MAP7: variants seen among roughly 807,000 people sequenced by gnomAD.
The protein encoded by MAP7 is microtubule associated protein 7.
In MAP7, 52 loss-of-function variants were observed where a neutral mutation model predicts 94.8. That is an observed-to-expected ratio of 0.55 (90% CI 0.44 to 0.69). MAP7 has a LOEUF of 0.69. Among genes scored for constraint, MAP7 ranks in the 30% least tolerant of loss-of-function variants. MAP7 has a pLI of 0.00. For synonymous variants in MAP7, 350 were observed against 357.0 expected, an observed-to-expected ratio of 0.98 and a Z score of 0.22; for missense variants, 940 against 964.6, an observed-to-expected ratio of 0.97 and a Z score of 0.34.
At chr6:136,533,952 T>C (rs1481487729) in intron 1 of MAP7, among the ~76,000 whole-genome samples, 1 of 152,218 alleles carries the variant, frequency 6.6e-6, no homozygotes, top group Admixed American at 6.5e-5. Flanking sequence ...CATTTCTTTC[T>C]CCTAAACCCC....
chr6:136,512,852 GA>G (rs1823679821), intron 1 of MAP7, among the ~76,000 whole-genome samples: 1 of 119,920 alleles, frequency 8.3e-6, no homozygotes, highest in Non-Finnish European at 1.8e-5. Context: ...TTTTTTTTTT[GA>G]AAGGGTCTCA....
chr6:136,468,567 A>C (rs1400202840), intron 1 of MAP7, among the ~76,000 whole-genome samples: 2 of 152,242 alleles, frequency 1.3e-5, no homozygotes, highest in East Asian at 3.8e-4. Flanking sequence ...AGCCTACCTT[A>C]AATGTGCTAA....
intron 1 of MAP7, among the ~76,000 whole-genome samples, chr6:136,446,264 G>A (rs894333185): frequency 1.3e-5 from 2 of 151,830 alleles, no homozygotes; most frequent in Admixed American, 6.6e-5. Context: ...ATCAGAGGTG[G>A]ATAGGGCGCA....
intron 1 of MAP7, among the ~76,000 whole-genome samples, chr6:136,542,340 T>A (rs1829393018): frequency 6.6e-6 from 1 of 152,196 alleles, no homozygotes; most frequent in Admixed American, 6.5e-5. Flanking sequence ...ACATTTAGCT[T>A]ACAGAACCTT....
intron 1 of MAP7, among the ~76,000 whole-genome samples, chr6:136,542,106 T>C (rs1201659228): frequency 2.0e-5 from 3 of 152,160 alleles, no homozygotes; most frequent in East Asian, 1.9e-4. Context: ...AATAAAAAAA[T>C]CTTACAGATC....
chr6:136,502,442 T>C (rs1457399027), intron 1 of MAP7, among the ~76,000 whole-genome samples: 1 of 152,230 alleles, frequency 6.6e-6, no homozygotes, highest in East Asian at 1.9e-4. Flanking sequence ...CACTCTTTTG[T>C]TGGCACAGTC....
chr6:136,487,725 A>T (rs1235126410), intron 1 of MAP7, among the ~76,000 whole-genome samples: 2 of 151,924 alleles, frequency 1.3e-5, no homozygotes, highest in African/African-American at 2.4e-5. Context: ...AAAAAAAAAA[A>T]TTGTATTTCT....
chr6:136,412,585 G>T (rs1437075094), intron 2 of MAP7, among the ~76,000 whole-genome samples: 1 of 152,160 alleles, frequency 6.6e-6, no homozygotes, highest in Non-Finnish European at 1.5e-5. Flanking sequence ...TCCATAGAAA[G>T]TAAGTGCAAA....
intron 1 of MAP7, among the ~76,000 whole-genome samples, chr6:136,523,453 T>C (rs1011771524): frequency 6.6e-6 from 1 of 152,252 alleles, no homozygotes; most frequent in Non-Finnish European, 1.5e-5. Context: ...CTGTGGCTAT[T>C]GTATTGGACA....
chr6:136,346,114 T>TA (rs777373998), intron 16 of MAP7, 35 bp from the exon 17 acceptor site: 1 of 1,384,630 alleles, frequency 7.2e-7, no homozygotes, highest in South Asian at 1.2e-5. Context: ...AGAAATAAGT[T>TA]AGTCTTAAAA....
At chr6:136,547,128 G>T (rs1297083931) in intron 1 of MAP7, among the ~76,000 whole-genome samples, 1 of 152,180 alleles carries the variant, frequency 6.6e-6, no homozygotes, top group Non-Finnish European at 1.5e-5. Context: ...AGAGTTAAGT[G>T]ACACCTACAA....
intron 1 of MAP7, among the ~76,000 whole-genome samples, chr6:136,500,352 T>C (rs1477394954): frequency 2.6e-5 from 4 of 152,248 alleles, no homozygotes; most frequent in Non-Finnish European, 1.5e-5. Context: ...ATTCTTCAAA[T>C]GGAATTTTCC....
Position 136,364,171 on chromosome 6 carries a change from C to T in MAP7, c.1274-1469G>A, listed in dbSNP as rs79792989. 947 of 486,600 alleles carry T rather than the reference C, an allele frequency of 1.9e-3. 11 individuals are homozygous for T. Among genetic ancestry groups the T allele is most frequent in the African/African-American group, 0.017 (843 of 50,710 alleles). The allele number at this position is 486,600 out of a possible 1,614,324, so 30.1% of individuals were successfully genotyped here. ...GCTCGCCTGCATTCTGCATAAGGCTCGGCCCTCATTCTGCATGAGGGTGAG... is the reference window on the plus strand; with the variant it reads ...GCTCGCCTGCATTCTGCATAAGGCTTGGCCCTCATTCTGCATGAGGGTGAG... On this transcript the variant is annotated intron_variant, in intron 10 of 17. Transcript: ENST00000354570.
At chr6:136,447,828 C>G (rs1275584344) in intron 1 of MAP7, among the ~76,000 whole-genome samples, 1 of 152,196 alleles carries the variant, frequency 6.6e-6, no homozygotes, top group Non-Finnish European at 1.5e-5. Flanking sequence ...TTAAAATACT[C>G]TCTTTTCCCA....
intron 1 of MAP7, among the ~76,000 whole-genome samples, chr6:136,504,593 C>T (rs772064116): frequency 6.6e-6 from 1 of 152,214 alleles, no homozygotes; most frequent in Non-Finnish European, 1.5e-5. Context: ...ATCCACCCGC[C>T]TTGGCCTCCC....
At chr6:136,390,432 C>G (rs1399626408) in intron 3 of MAP7, among the ~76,000 whole-genome samples, 1 of 152,146 alleles carries the variant, frequency 6.6e-6, no homozygotes, top group East Asian at 1.9e-4. Context: ...GGGGGCAGAT[C>G]ACTGGCAGTC....
intron 5 of MAP7, among the ~76,000 whole-genome samples, chr6:136,385,686 T>G (rs558099338): frequency 6.6e-6 from 1 of 152,350 alleles, no homozygotes; most frequent in East Asian, 1.9e-4. Context: ...TGAATTTGTT[T>G]ATTACTTAAT....
intron 2 of MAP7, among the ~76,000 whole-genome samples, chr6:136,417,077 C>A (rs1305598468): frequency 6.6e-6 from 1 of 152,166 alleles, no homozygotes; most frequent in Non-Finnish European, 1.5e-5. Flanking sequence ...CCTGATTACA[C>A]CACTGCACTC....
intron 1 of MAP7, chr6:136,475,943 T>G (rs1327194662): frequency 6.6e-6 from 1 of 152,212 alleles, no homozygotes; most frequent in Admixed American, 6.5e-5. Flanking sequence ...TACTTATGTT[T>G]CATCATTTTC....
Sources: gnomAD v4.1 joint callset for allele counts (sites outside exome capture counted in the v4.1 genomes callset) on GRCh38, gnomAD v4.1.1 for gene constraint, MANE v1.5 for transcripts, NCBI Gene and HGNC (gene_info 2026-07-23, HGNC 2026-07-21) for gene names.